UGT2A1: variants seen among roughly 807,000 people sequenced by gnomAD.
UGT2A1 encodes UDP glucuronosyltransferase family 2 member A1 complex locus, also known as UDP-glucuronosyltransferase 2A1.
Under a neutral mutation model 45.4 loss-of-function variants are expected in UGT2A1, and 61 were observed. The observed-to-expected ratio is 1.34, with a 90% CI of 1.09 to 1.66. UGT2A1 has a LOEUF of 1.66. Ranked by LOEUF, UGT2A1 falls within the 40% of genes most tolerant of loss-of-function variation. The pLI is 0.00. For missense variants in UGT2A1, 649 were observed against 574.3 expected (o/e 1.13, Z -1.33); for synonymous variants, 229 against 196.2 (o/e 1.17, Z -1.40).
rs534225330 is a variant in UGT2A1 at position 69,604,396 on chromosome 4, G to A, written c.848-5002C>T. 1.8e-4 allele frequency among the ~76,000 whole-genome samples: 25 copies of A among 136,530 alleles called. 3 individuals are homozygous for A. The South Asian group carries it at 2.7e-3, about 15-fold the overall frequency. 89.6% of individuals were successfully genotyped at this position (136,530 alleles called of 152,430 possible). On this transcript the variant is annotated intron_variant, in intron 3 of 6. Coordinates refer to ENST00000286604, the MANE Select transcript of UGT2A1 (RefSeq NM_001252275.3). Reference sequence around the variant, plus strand: ...GAGAGATTTTGTCACCACCAGGCCCGCCCTAAAAGAGCTCCTGAAGGAAGC... The same window carrying A: ...GAGAGATTTTGTCACCACCAGGCCCACCCTAAAAGAGCTCCTGAAGGAAGC...
intron 2 of UGT2A1, chr4:69,639,264 G>A (rs1006582116): frequency 8.1e-6 from 13 of 1,613,580 alleles, no homozygotes; most frequent in African/African-American, 1.3e-5. Context: ...TTGAAAGAAA[G>A]TGTCTAGAAG....
chr4:69,642,524 A>T (rs1722092911), intron 2 of UGT2A1, among the ~76,000 whole-genome samples: 2 of 151,774 alleles, frequency 1.3e-5, no homozygotes, highest in South Asian at 4.1e-4. Context: ...TCTTCTTTAA[A>T]ATTACTACTG....
intron 3 of UGT2A1, among the ~76,000 whole-genome samples, chr4:69,613,169 CATA>C (rs1409949966): frequency 1.3e-5 from 2 of 151,796 alleles, no homozygotes; most frequent in East Asian, 3.9e-4. Flanking sequence ...GAATCAAAAT[CATA>C]ATGATATATA....
intron 4 of UGT2A1, 104 bp downstream of exon 4, chr4:69,599,142 G>A (rs1458380314): frequency 1.4e-6 from 2 of 1,423,838 alleles, no homozygotes; most frequent in East Asian, 2.5e-5. Flanking sequence ...GTAGCAAACT[G>A]AAATGTCCAG....
At chr4:69,613,995 A>G (rs1385198340) in intron 3 of UGT2A1, among the ~76,000 whole-genome samples, 3 of 152,106 alleles carry the variant, frequency 2.0e-5, no homozygotes, top group Non-Finnish European at 4.4e-5. Flanking sequence ...GACGAGTGAA[A>G]GAAGTAAAGG....
chr4:69,606,868 A>T (rs1719658308), intron 3 of UGT2A1, among the ~76,000 whole-genome samples: 1 of 136,292 alleles, frequency 7.3e-6, no homozygotes, highest in Non-Finnish European at 1.6e-5. Context: ...CTTACAAGGG[A>T]CGTAAGGACC....
chr4:69,629,374 C>T (rs1307778167), intron 3 of UGT2A1, among the ~76,000 whole-genome samples: 2 of 152,070 alleles, frequency 1.3e-5, no homozygotes, highest in East Asian at 1.9e-4. Context: ...GGGGCTCATA[C>T]CTGGCTCCTA....
chr4:69,638,293 C>T (rs1222421445), intron 2 of UGT2A1, among the ~76,000 whole-genome samples: 3 of 152,070 alleles, frequency 2.0e-5, no homozygotes, highest in African/African-American at 7.2e-5. Flanking sequence ...CCAATCAGGA[C>T]TGGCCTTGAT....
chr4:69,597,826 C>T (rs1214885616), intron 4 of UGT2A1, among the ~76,000 whole-genome samples: 2 of 151,912 alleles, frequency 1.3e-5, no homozygotes, highest in Non-Finnish European at 2.9e-5. Context: ...ATTCTGTGTA[C>T]CCAGTGATTG....
chr4:69,599,549 G>A, intron 3 of UGT2A1, 155 bp from the exon 4 acceptor site: 1 of 1,076,292 alleles, frequency 9.3e-7, no homozygotes, highest in Non-Finnish European at 1.2e-6. Context: ...AGAAGAAGGA[G>A]AAATTAAAGA....
At chr4:69,639,467 A>G (rs1445624602) in intron 2 of UGT2A1, 1 of 1,613,224 alleles carries the variant, frequency 6.2e-7, no homozygotes, top group Non-Finnish European at 8.5e-7. Context: ...GTACAGTCAC[A>G]TTGTGATTTC....
intron 6 of UGT2A1, among the ~76,000 whole-genome samples, chr4:69,590,761 CA>C (rs1259561539): frequency 1.3e-5 from 2 of 151,880 alleles, no homozygotes; most frequent in Non-Finnish European, 2.9e-5. Context: ...ACATGTGAAT[CA>C]AAAAATAAGA....
At chr4:69,601,143 T>C (rs1287805264) in intron 3 of UGT2A1, among the ~76,000 whole-genome samples, 1 of 152,180 alleles carries the variant, frequency 6.6e-6, no homozygotes, top group African/African-American at 2.4e-5. Flanking sequence ...TACTTCCTGC[T>C]GCTACACATA....
chr4:69,591,515 T>C (rs558104300), intron 6 of UGT2A1, among the ~76,000 whole-genome samples: 1 of 152,240 alleles, frequency 6.6e-6, no homozygotes, highest in African/African-American at 2.4e-5. Context: ...GGTAGTAGGC[T>C]TCAGAGAGAA....
chr4:69,646,019 G>C (rs996653187), intron 2 of UGT2A1, among the ~76,000 whole-genome samples: 6 of 151,794 alleles, frequency 4.0e-5, no homozygotes, highest in Admixed American at 6.6e-5. Flanking sequence ...AACTCACTCT[G>C]TCTGTCGCAT....
intron 3 of UGT2A1, among the ~76,000 whole-genome samples, chr4:69,627,033 A>C (rs1721100451): frequency 1.3e-5 from 2 of 151,918 alleles, no homozygotes; most frequent in African/African-American, 4.8e-5. Context: ...ATAATGGCAT[A>C]TAAAACTCAA....
intron 3 of UGT2A1, among the ~76,000 whole-genome samples, chr4:69,614,501 C>G (rs578042680): frequency 9.9e-5 from 15 of 151,794 alleles, no homozygotes; most frequent in African/African-American, 3.6e-4. Context: ...CCACAAAAGA[C>G]CAGAATAGCC....
intron 2 of UGT2A1, among the ~76,000 whole-genome samples, chr4:69,644,782 C>G (rs1384582961): frequency 6.6e-6 from 1 of 151,778 alleles, no homozygotes; most frequent in Non-Finnish European, 1.5e-5. Flanking sequence ...CTTTTGCTAT[C>G]AGTGCTAATT....
chr4:69,635,011 G>A (rs1386019211), intron 3 of UGT2A1, among the ~76,000 whole-genome samples: 1 of 152,040 alleles, frequency 6.6e-6, no homozygotes, highest in East Asian at 1.9e-4. Context: ...TGAGGGGATG[G>A]ATACCCCGTA....
Sources: gnomAD v4.1 joint callset for allele counts (sites outside exome capture counted in the v4.1 genomes callset) on GRCh38, gnomAD v4.1.1 for gene constraint, MANE v1.5 for transcripts, NCBI Gene and HGNC (gene_info 2026-07-23, HGNC 2026-07-21) for gene names.